Variants in NDRG2 observed in about 807,000 individuals in gnomAD.
The protein encoded by NDRG2 is NDRG family member 2.
NDRG2 carries 34 observed loss-of-function variants against 58.2 expected under a neutral mutation model. The observed-to-expected ratio is 0.58, with a 90% CI of 0.44 to 0.78. The LOEUF is 0.78. NDRG2 is among the 30% of genes least tolerant of loss of function. NDRG2 has a pLI of 0.00. For missense variants in NDRG2, 434 were observed against 471.2 expected, an observed-to-expected ratio of 0.92 and a Z score of 0.73; for synonymous variants, 187 against 175.9, an observed-to-expected ratio of 1.06 and a Z score of -0.50.
chr14:21,066,119 C>A (rs1886249494), intron 1 of NDRG2, among the ~76,000 whole-genome samples: 1 of 151,950 alleles, frequency 6.6e-6, no homozygotes. Context: ...ACAACAACAA[C>A]AAAAACCTGA....
At chr14:21,029,425 A>G (rs1025838484), upstream of NDRG2, among the ~76,000 whole-genome samples, 6 of 151,948 alleles carry the variant, frequency 3.9e-5, no homozygotes, top group African/African-American at 1.5e-4. Context: ...ACATGGCAAA[A>G]CCCCGTCTCT....
rs1441005230 is a variant in NDRG2 at position 21,018,491 on chromosome 14, G to C, written c.827C>G (p.Ser276Ter). 6.2e-7 allele frequency: 1 copy of C among 1,614,056 alleles called. No individual in the cohort carries two copies. Among genetic ancestry groups the C allele is most frequent in the Non-Finnish European group, 8.5e-7 (1 of 1,179,964 alleles). Residue 276 changes from serine to a stop codon, truncating the protein, a stop_gained, in exon 13 of 16, where the codon TCA becomes TGA. Transcript: ENST00000556147. LOFTEE classifies it high-confidence loss of function. ...PHEDAVVECN[S>*]KLDPTQTSFL... ...CGAGGTCTGGGTGGGGTCCAGTTTT[G>C]AGTTACATTCCACCTGGAGTAAGCA... is the stretch of plus-strand genomic sequence containing the variant.
intron 1 of NDRG2, chr14:21,044,156 A>G (rs749656863): frequency 6.0e-6 from 1 of 167,120 alleles, no homozygotes; most frequent in Non-Finnish European, 1.5e-5. Context: ...GTAAGAGTTC[A>G]CTCATGAAGA....
chr14:21,021,929 C>A (rs755422021), intron 5 of NDRG2, 50 bp from the exon 6 acceptor site: 4 of 1,611,642 alleles, frequency 2.5e-6, no homozygotes, highest in Non-Finnish European at 3.4e-6. Context: ...CCTCACACCC[C>A]CCACCTCAGG....
At chr14:21,025,628 C>T (rs1162190642), upstream of NDRG2, 3 of 985,266 alleles carry the variant, frequency 3.0e-6, no homozygotes, top group Non-Finnish European at 3.6e-6. The surrounding 1 kb of genome is among the most constrained non-coding windows in gnomAD (Gnocchi z 5.1). Context: ...CACGGGGGAA[C>T]GTCGAGGGCG....
chr14:21,064,167 T>G (rs1223980667), intron 1 of NDRG2, among the ~76,000 whole-genome samples: 1 of 152,228 alleles, frequency 6.6e-6, no homozygotes, highest in Non-Finnish European at 1.5e-5. Flanking sequence ...TGGGAATAAT[T>G]CAAAGTGCGG....
chr14:21,066,946 G>A (rs984004316), intron 1 of NDRG2, among the ~76,000 whole-genome samples: 1 of 152,170 alleles, frequency 6.6e-6, no homozygotes. Context: ...TTGGAAGGCA[G>A]AGCTAACAAG....
intron 1 of NDRG2, chr14:21,058,264 C>A (rs1407965893): frequency 6.2e-7 from 1 of 1,614,156 alleles, no homozygotes; most frequent in Non-Finnish European, 8.5e-7. Flanking sequence ...AAGAGAAGCA[C>A]CTGAACACAC....
intron 1 of NDRG2, chr14:21,036,333 G>C (rs1442258120): frequency 4.5e-6 from 2 of 447,200 alleles, no homozygotes; most frequent in East Asian, 7.0e-5. Flanking sequence ...TTTCTCATAG[G>C]GTAGGGGTGC....
Position 21,070,469 on chromosome 14 carries a change from T to C in NDRG2, c.24+359A>G. 1.5e-6 allele frequency: 2 copies of C among 1,351,634 alleles called. No homozygotes were observed. Among genetic ancestry groups the C allele is most frequent in the South Asian group, 1.9e-5 (1 of 52,290 alleles). The allele number at this position is 1,351,634 out of a possible 1,614,324, so 83.7% of individuals were successfully genotyped here. A position where few individuals can be genotyped will look rare whatever the true frequency, so the allele number is the denominator to read the frequency against. ...CAGCCCGCTCCGGGCCCCCAAGTCC[T>C]CAGCCTGGTGCCTCCCGAGCCTGCC... On this transcript the variant is annotated intron_variant, in intron 1 of 14. Transcript: ENST00000403829. This position sits in a 1 kb window ranked among gnomAD's most constrained non-coding sequence, Gnocchi z 4.7.
chr14:21,032,235 C>G (rs1373389941), intron 1 of NDRG2: 2 of 807,312 alleles, frequency 2.5e-6, no homozygotes, highest in Non-Finnish European at 4.2e-6. Context: ...AGAGGCAGCA[C>G]AGGAGGGTGG....
chr14:21,018,183 A>C, intron 14 of NDRG2, 21 bp downstream of exon 14: 1 of 1,613,618 alleles, frequency 6.2e-7, no homozygotes, highest in Non-Finnish European at 8.5e-7. Flanking sequence ...TCCCCATCCC[A>C]TGGACGGCAG....
intron 1 of NDRG2, chr14:21,031,820 G>A (rs976446356): frequency 1.1e-5 from 16 of 1,514,090 alleles, no homozygotes; most frequent in South Asian, 6.3e-5. Context: ...TAAGTATCTC[G>A]GGCCATCTTT....
At chr14:21,066,546 G>A (rs1886279556) in intron 1 of NDRG2, among the ~76,000 whole-genome samples, 1 of 152,190 alleles carries the variant, frequency 6.6e-6, no homozygotes, top group South Asian at 2.1e-4. Context: ...ATGTTGGCCA[G>A]GATGGTGTTG....
In NDRG2 at chr14:21,024,287, G is replaced by A; in HGVS notation, c.-264C>T. 1 of 985,494 alleles carries A rather than the reference G, an allele frequency of 1.0e-6. No homozygotes were observed. Among genetic ancestry groups the A allele is most frequent in the Non-Finnish European group, 1.2e-6 (1 of 830,028 alleles). 61.0% of individuals were successfully genotyped at this position (985,494 alleles called of 1,614,324 possible). A position where few individuals can be genotyped will look rare whatever the true frequency, so the allele number is the denominator to read the frequency against. ...CTAGGCTCGAGCCGGAATCAATATA[G>A]GCTACAAGGGCATCAGTTCAGGCTG... is the stretch of plus-strand genomic sequence containing the variant. On this transcript the variant is annotated 5_prime_UTR_variant, in exon 1 of 16. Coordinates refer to ENST00000556147, the MANE Select transcript of NDRG2 (RefSeq NM_001320329.2).
intron 1 of NDRG2, chr14:21,036,395 G>A (rs1243465): frequency 0.65 from 246,451 of 381,324 alleles, 80,916 homozygotes; most frequent in East Asian, 0.84. Context: ...GTCTTGGGCC[G>A]CACATAAAAT....
At chr14:21,054,376 T>C (rs1885591389) in intron 1 of NDRG2, among the ~76,000 whole-genome samples, 1 of 152,000 alleles carries the variant, frequency 6.6e-6, no homozygotes, top group Non-Finnish European at 1.5e-5. Context: ...CTGAGTTCAG[T>C]GTCAAGAACA....
chr14:21,035,460 G>A (rs546147241), intron 1 of NDRG2, among the ~76,000 whole-genome samples: 3 of 152,318 alleles, frequency 2.0e-5, no homozygotes, highest in South Asian at 2.1e-4. Flanking sequence ...GAATCAAAGA[G>A]CCAGCTCCCT....
chr14:21,069,987 C>A (rs1198687246), intron 1 of NDRG2, among the ~76,000 whole-genome samples: 4 of 152,168 alleles, frequency 2.6e-5, no homozygotes, highest in Non-Finnish European at 4.4e-5. Flanking sequence ...GGGAGCGAGG[C>A]CGTGGCGGGA....
Sources: allele counts gnomAD v4.1 joint callset (sites outside exome capture counted in the v4.1 genomes callset), GRCh38; gene constraint gnomAD v4.1.1; non-coding constraint Gnocchi (gnomAD v3.1); transcripts MANE v1.5; gene names NCBI Gene and HGNC (gene_info 2026-07-23, HGNC 2026-07-21).